Variants in PER2 observed in about 807,000 individuals in gnomAD.
PER2 encodes period circadian protein homolog 2.
PER2 carries 66 observed loss-of-function variants against 121.0 expected under a neutral mutation model. That is an observed-to-expected ratio of 0.55 (90% CI 0.45 to 0.67). The LOEUF is 0.67. PER2 is among the 30% of genes least tolerant of loss of function. The pLI is 0.00. For synonymous variants in PER2, 684 were observed against 659.9 expected (o/e 1.04, Z -0.56); for missense variants, 1,521 against 1,635.0 (o/e 0.93, Z 1.20).
rs1264289578 is a variant in PER2, at chr2:238,245,245, T to TC, written c.*1129dup. 5.4e-5 allele frequency: 14 copies of TC among 261,134 alleles called. No homozygotes were observed. Among genetic ancestry groups the TC allele is most frequent in the Non-Finnish European group, 2.2e-5 (3 of 139,248 alleles). The allele number at this position is 261,134 out of a possible 1,614,324, so 16.2% of individuals were successfully genotyped here. The stretch of plus-strand genomic sequence containing the variant: ...AAGCCGGGCAGACTGGCCTCACTTT[T>TC]CCCCAAGTGTCCAAATGACCTAAAA... On this transcript the variant is annotated 3_prime_UTR_variant, in exon 23 of 23. Coordinates refer to ENST00000254657, the MANE Select transcript of PER2 (RefSeq NM_022817.3).
At position 238,277,161 on chromosome 2, in the gene PER2, G is replaced by C. The variant is rs948914121; in HGVS notation, c.263C>G (p.Ser88Cys). 2 of 1,613,354 alleles carry C rather than the reference G, an allele frequency of 1.2e-6. No individual in the cohort carries two copies. Among genetic ancestry groups the C allele is most frequent in the African/African-American group, 1.3e-5 (1 of 74,906 alleles). Residue 88 changes from serine (S) to cysteine (C), a missense_variant, in exon 3 of 23, where the codon TCT becomes TGT. Physicochemically the swap from Ser to Cys is moderately radical, Grantham distance 112. Transcript: ENST00000254657. ...PDTFSLMMAKSEHNPSTSGCS... is the reference protein window; with the variant it reads ...PDTFSLMMAKCEHNPSTSGCS... ...GCCACTTGTAGATGGGTTGTGTTCA[G>C]ATTTTGCCATCATCAGGCTAAAGGT...
At position 238,246,354 on chromosome 2, in the gene PER2, C is replaced by G. The variant is rs755605691; in HGVS notation, c.*21G>C. On this transcript the variant is annotated 3_prime_UTR_variant, in exon 23 of 23. Transcript: ENST00000254657. Reference sequence around the variant, plus strand: ...CCACCTGGTGTACCTCGCTGGCTGCCGGGCTGAGGTGGGGCAGGGGTTACG... The same window carrying G: ...CCACCTGGTGTACCTCGCTGGCTGCGGGGCTGAGGTGGGGCAGGGGTTACG... The G allele has an allele frequency of 6.4e-7, 1 of 1,573,772 alleles. No individual in the cohort carries two copies. The highest frequency in any genetic ancestry group is 8.6e-7 in the Non-Finnish European group (1 of 1,156,344).
rs1364185256 is a variant in PER2 at position 238,259,910 on chromosome 2, C to T, written c.1627+59G>A. On this transcript the variant is annotated intron_variant, in intron 14 of 22. Transcript: ENST00000254657. ...AGTCAGCATTTAACCCAGGTTCCCTCTTCTCATGTGGCCATACTCTAGTTT... is the reference window on the plus strand; with the variant it reads ...AGTCAGCATTTAACCCAGGTTCCCTTTTCTCATGTGGCCATACTCTAGTTT... 11 of 816,372 alleles carry T rather than the reference C, an allele frequency of 1.3e-5. No homozygotes were observed. In the East Asian group the frequency reaches 2.9e-4, roughly 22 times the overall value. The allele number at this position is 816,372 out of a possible 1,614,324, so 50.6% of individuals were successfully genotyped here.
intron 17 of PER2, 93 bp from the exon 18 acceptor site, chr2:238,256,004 G>A (rs1319652039): frequency 1.6e-5 from 23 of 1,472,112 alleles, no homozygotes; most frequent in South Asian, 8.1e-5. Flanking sequence ...AATCATTCAC[G>A]TATAAAGTAA....
intron 1 of PER2, among the ~76,000 whole-genome samples, chr2:238,278,518 C>G (rs1057204294): frequency 6.6e-6 from 1 of 152,206 alleles, no homozygotes; most frequent in African/African-American, 2.4e-5. Flanking sequence ...ACGGCCTCAT[C>G]AGAAGGCAGA....
intron 8 of PER2, among the ~76,000 whole-genome samples, chr2:238,267,209 A>C (rs1460996082): frequency 6.6e-6 from 1 of 152,210 alleles, no homozygotes; most frequent in Non-Finnish European, 1.5e-5. Flanking sequence ...CAAGGTGAGC[A>C]CCTACAGTTC....
chr2:238,254,912 C>T (rs879343005), intron 18 of PER2: 5 of 152,180 alleles, frequency 3.3e-5, no homozygotes, highest in Non-Finnish European at 5.9e-5. Context: ...CCCAGAGACC[C>T]GGGGGAGCTG....
In PER2 at chr2:238,251,516, C is replaced by A. The variant is rs1030212962; in HGVS notation, c.3274+83G>T. 12 of 1,306,102 alleles carry A rather than the reference C, an allele frequency of 9.2e-6. No individual in the cohort carries two copies. In the African/African-American group the frequency reaches 1.7e-4, roughly 19 times the overall value. The allele number at this position is 1,306,102 out of a possible 1,614,324, so 80.9% of individuals were successfully genotyped here. ...GAGTGCCGGTGATCCCTGTTCTGAG[C>A]ACAGAGGCCGGCCTGTGACTCTGGA... On this transcript the variant is annotated intron_variant, in intron 20 of 22. Coordinates refer to ENST00000254657, the MANE Select transcript of PER2 (RefSeq NM_022817.3).
chr2:238,276,997 G>A lies in PER2; in HGVS notation c.293+134C>T, dbSNP rs560615775. 1,020 of 778,036 alleles carry A rather than the reference G, an allele frequency of 1.3e-3. 17 individuals are homozygous for A. The South Asian group carries it at 0.013, about 10-fold the overall frequency. The allele number at this position is 778,036 out of a possible 1,614,324, so 48.2% of individuals were successfully genotyped here. A position where few individuals can be genotyped will look rare whatever the true frequency, so the allele number is the denominator to read the frequency against. On this transcript the variant is annotated intron_variant, in intron 3 of 22. Coordinates refer to ENST00000254657, the MANE Select transcript of PER2 (RefSeq NM_022817.3). ...GAAAGGCCAGAGTGAGGCTGGGTTCGTACCCACATAGCCACACAGATGGGT... is the reference window on the plus strand; with the variant it reads ...GAAAGGCCAGAGTGAGGCTGGGTTCATACCCACATAGCCACACAGATGGGT...
chr2:238,288,111 T>A (rs1696843385), intron 1 of PER2, among the ~76,000 whole-genome samples: 1 of 152,018 alleles, frequency 6.6e-6, no homozygotes, highest in Admixed American at 6.6e-5. Flanking sequence ...CAGGAAAAGC[T>A]CCTAGATCAG....
In PER2 at chr2:238,246,265, A is replaced by C; in HGVS notation, c.*110T>G. 1.4e-6 allele frequency: 1 copy of C among 727,954 alleles called. No homozygotes were observed. The highest frequency in any genetic ancestry group is 2.1e-6 in the Non-Finnish European group (1 of 479,788). The allele number at this position is 727,954 out of a possible 1,614,324, so 45.1% of individuals were successfully genotyped here. A position where few individuals can be genotyped will look rare whatever the true frequency, so the allele number is the denominator to read the frequency against. On this transcript the variant is annotated 3_prime_UTR_variant, in exon 23 of 23. Coordinates refer to ENST00000254657, the MANE Select transcript of PER2 (RefSeq NM_022817.3). ...TTTTTTTTTCTAAAACAAAAAAAGC[A>C]ACATGAGCATATGTGTCCATTTCAG...
chr2:238,255,381 A>G (rs1490715694), intron 18 of PER2: 3 of 534,528 alleles, frequency 5.6e-6, no homozygotes, highest in Admixed American at 3.2e-5. Flanking sequence ...CAGGCAAGAA[A>G]TGTGGACATG....
In PER2 at chr2:238,268,142, T is replaced by A; in HGVS notation, c.881A>T (p.Tyr294Phe). The change falls in exon 8 of 23, where the codon TAC becomes TTC. Residue 294 changes from tyrosine to phenylalanine, a missense_variant. Tyr to Phe is a conservative substitution (Grantham distance 22). Coordinates refer to ENST00000254657, the MANE Select transcript of PER2 (RefSeq NM_022817.3). The surrounding 1 kb of genome is among the most constrained non-coding windows in gnomAD (Gnocchi z 4.0). ...IRYHPFRMTP[Y>F]LVKVRDQQGA... ...TTGTTGGTCCCGCACCTTGACCAGG[T>A]AGGGCGTCATGCGGAAGGGGTGGTA... The A allele has an allele frequency of 6.2e-7, 1 of 1,614,096 alleles. No individual in the cohort carries two copies. Among genetic ancestry groups the A allele is most frequent in the Non-Finnish European group, 8.5e-7 (1 of 1,179,984 alleles).
In PER2 at chr2:238,283,969, TC is replaced by T. The variant is rs1393700285; in HGVS notation, c.-20+4379del. Among the ~76,000 whole-genome samples the T allele has an allele frequency of 6.3e-4, 96 of 152,240 alleles. 1 individual carries two copies. Among genetic ancestry groups the T allele is most frequent in the Non-Finnish European group, 5.9e-4 (40 of 68,016 alleles). ...TGGGTGGCCTGGGTTTCAGCTGGGT[TC>T]CACCACCTCCTATGTGATCTCGGAC... is the stretch of plus-strand genomic sequence containing the variant. On this transcript the variant is annotated intron_variant, in intron 1 of 22. Coordinates refer to ENST00000254657, the MANE Select transcript of PER2 (RefSeq NM_022817.3).
intron 1 of PER2, among the ~76,000 whole-genome samples, chr2:238,284,157 A>G (rs1244772577): frequency 6.6e-6 from 1 of 152,116 alleles, no homozygotes. Flanking sequence ...AGAAAAACAG[A>G]CGGCGGCTGG....
intron 8 of PER2, 59 bp downstream of exon 8, chr2:238,267,997 G>T (rs199883512): frequency 3.1e-6 from 5 of 1,590,572 alleles, no homozygotes; most frequent in Non-Finnish European, 2.6e-6. Flanking sequence ...GTGAACCACA[G>T]GAGTAACTGA....
chr2:238,267,889 T>G (rs1334116434), intron 8 of PER2, among the ~76,000 whole-genome samples, 167 bp downstream of exon 8: 1 of 152,090 alleles, frequency 6.6e-6, no homozygotes, highest in Non-Finnish European at 1.5e-5. Flanking sequence ...AAGCAGGGTG[T>G]GCTGAGTCTC....
At chr2:238,281,214 G>A (rs1696619628) in intron 1 of PER2, among the ~76,000 whole-genome samples, 1 of 152,152 alleles carries the variant, frequency 6.6e-6, no homozygotes, top group African/African-American at 2.4e-5. Context: ...ATGCTGGCCA[G>A]GATGGTCTTG....
intron 1 of PER2, among the ~76,000 whole-genome samples, chr2:238,282,496 A>G (rs532324804): frequency 2.0e-5 from 3 of 152,348 alleles, no homozygotes; most frequent in South Asian, 4.1e-4. Context: ...CATCCATACT[A>G]TGAATACTAT....
Sources: gnomAD v4.1 joint callset for allele counts (sites outside exome capture counted in the v4.1 genomes callset) on GRCh38, gnomAD v4.1.1 for gene constraint, Gnocchi (gnomAD v3.1) non-coding constraint, MANE v1.5 for transcripts, NCBI Gene and HGNC (gene_info 2026-07-23, HGNC 2026-07-21) for gene names.